Variants in TIPRL observed in about 807,000 individuals in gnomAD.
TIPRL encodes the protein TIP41-like protein.
TIPRL carries 10 observed loss-of-function variants against 32.3 expected under a neutral mutation model. That is an observed-to-expected ratio of 0.31 (90% CI 0.19 to 0.52). The LOEUF is 0.52. Among genes scored for constraint, TIPRL ranks in the 20% least tolerant of loss-of-function variants. TIPRL has a pLI of 0.96. For synonymous variants in TIPRL, 100 were observed against 114.0 expected (o/e 0.88, Z 0.78); for missense variants, 250 against 328.1 (o/e 0.76, Z 1.84).
At chr1:168,192,536 T>A (rs1268135263) in intron 4 of TIPRL, 2 of 402,162 alleles carry the variant, frequency 5.0e-6, no homozygotes, top group Non-Finnish European at 6.8e-6. Flanking sequence ...AATACCACCT[T>A]TTCTACAAGG....
At chr1:168,182,218 G>T (rs1167064517) in intron 1 of TIPRL, among the ~76,000 whole-genome samples, 1 of 152,164 alleles carries the variant, frequency 6.6e-6, no homozygotes, top group Non-Finnish European at 1.5e-5. Context: ...TTGGATTAAA[G>T]AAGCTCTTCT....
chr1:168,196,737 A>G, intron 5 of TIPRL, 95 bp downstream of exon 5: 2 of 785,298 alleles, frequency 2.5e-6, no homozygotes, highest in Admixed American at 5.8e-5. Context: ...AACAATCTAT[A>G]TTATATGGCA....
intron 3 of TIPRL, among the ~76,000 whole-genome samples, chr1:168,189,574 G>T (rs972865270): frequency 3.9e-5 from 6 of 152,150 alleles, no homozygotes; most frequent in Non-Finnish European, 7.4e-5. Context: ...TCAAACTCCT[G>T]ACCTCAAGTG....
intron 6 of TIPRL, 99 bp downstream of exon 6, chr1:168,199,080 C>G (rs1700184599): frequency 1.2e-6 from 1 of 852,248 alleles, no homozygotes; most frequent in South Asian, 1.6e-5. Flanking sequence ...GTTTACATCC[C>G]TAAACCCATT....
chr1:168,197,950 A>T (rs893884758), intron 5 of TIPRL, among the ~76,000 whole-genome samples: 1 of 152,218 alleles, frequency 6.6e-6, no homozygotes, highest in Admixed American at 6.5e-5. Context: ...TTATACGTAC[A>T]TGAATATTCA....
chr1:168,193,422 ACTT>A (rs1469214916), intron 4 of TIPRL, among the ~76,000 whole-genome samples: 3 of 152,192 alleles, frequency 2.0e-5, no homozygotes, highest in Non-Finnish European at 4.4e-5. Flanking sequence ...CATAGGCTTT[ACTT>A]CTTTGCTCAC....
intron 5 of TIPRL, among the ~76,000 whole-genome samples, chr1:168,197,980 A>G (rs895359625): frequency 6.6e-6 from 1 of 152,188 alleles, no homozygotes; most frequent in Non-Finnish European, 1.5e-5. Flanking sequence ...TGTTTATAAT[A>G]GCAGAAAGGA....
At chr1:168,188,983 G>GAAAA (rs11445431) in intron 3 of TIPRL, among the ~76,000 whole-genome samples, 1 of 145,226 alleles carries the variant, frequency 6.9e-6, no homozygotes, top group Non-Finnish European at 1.5e-5. Context: ...TCTGTCTCAA[G>GAAAA]AAAAAAAAAA....
intron 3 of TIPRL, among the ~76,000 whole-genome samples, chr1:168,187,356 G>A (rs1449767722): frequency 2.0e-5 from 3 of 152,242 alleles, no homozygotes; most frequent in Admixed American, 6.5e-5. Flanking sequence ...TGGAGGTTAT[G>A]AAGCAGCATT....
In TIPRL at chr1:168,200,107, G is replaced by T; in HGVS notation, c.*61G>T. 2 of 1,529,644 alleles carry T rather than the reference G, an allele frequency of 1.3e-6. No homozygotes were observed. Among genetic ancestry groups the T allele is most frequent in the South Asian group, 1.2e-5 (1 of 80,878 alleles). The allele number at this position is 1,529,644 out of a possible 1,614,324, so 94.8% of individuals were successfully genotyped here. A position where few individuals can be genotyped will look rare whatever the true frequency, so the allele number is the denominator to read the frequency against. ...CTGGACACCTTGGCTATTTGTAAGG[G>T]GTTATTTTTATTATGAGAATTAATT... On this transcript the variant is annotated 3_prime_UTR_variant, in exon 7 of 7. Transcript: ENST00000367833.
intron 3 of TIPRL, 110 bp downstream of exon 3, chr1:168,184,988 T>G: frequency 1.5e-6 from 1 of 663,854 alleles, no homozygotes; most frequent in South Asian, 2.1e-5. Flanking sequence ...CGTCCTTGTT[T>G]TCTGTTGTGG....
At chr1:168,186,094 A>T (rs1012926545) in intron 3 of TIPRL, among the ~76,000 whole-genome samples, 3 of 150,628 alleles carry the variant, frequency 2.0e-5, no homozygotes. Context: ...AAAAAAAAAA[A>T]AAAAAAAAAG....
chr1:168,191,277 T>C (rs1054358116), intron 3 of TIPRL, 92 bp from the exon 4 acceptor site: 3 of 1,215,624 alleles, frequency 2.5e-6, no homozygotes, highest in South Asian at 1.6e-5. Context: ...AAAAGACTGA[T>C]TGAAAAAGAA....
intron 4 of TIPRL, among the ~76,000 whole-genome samples, chr1:168,192,549 C>G (rs1278635804): frequency 6.6e-6 from 1 of 152,148 alleles, no homozygotes; most frequent in Non-Finnish European, 1.5e-5. Flanking sequence ...CTACAAGGCC[C>G]TTCACAACTC....
intron 3 of TIPRL, among the ~76,000 whole-genome samples, chr1:168,187,834 TG>T (rs564958158): frequency 1.6e-3 from 244 of 152,212 alleles, no homozygotes; most frequent in Non-Finnish European, 2.3e-3. Flanking sequence ...TTGGCGGGTC[TG>T]GTGGCACGTG....
At position 168,191,446 on chromosome 1, in the gene TIPRL, C is replaced by A. The variant is rs768017262; in HGVS notation, c.462C>A (p.Leu154=). Residue 154 remains leucine (L), a synonymous_variant, in exon 4 of 7, where the codon CTC becomes CTA. Coordinates refer to ENST00000367833, the MANE Select transcript of TIPRL (RefSeq NM_152902.5). The stretch of plus-strand genomic sequence containing the variant: ...AGATTAAGTTTTTTGAAGAAGTTCT[C>A]CTTTTTGAGGATGAACTTCATGATC... ...REQIKFFEEV[L]LFEDELHDHG... is the part of the protein sequence containing the mutation. The A allele has an allele frequency of 2.0e-6, 3 of 1,531,914 alleles. No individual in the cohort carries two copies. The African/African-American group carries it at 4.3e-5, about 22-fold the overall frequency. The allele number at this position is 1,531,914 out of a possible 1,614,324, so 94.9% of individuals were successfully genotyped here. A position where few individuals can be genotyped will look rare whatever the true frequency, so the allele number is the denominator to read the frequency against.
At position 168,184,361 on chromosome 1, in the gene TIPRL, G is replaced by A. The variant is rs552928945; in HGVS notation, c.284+280G>A. 9.2e-5 allele frequency among the ~76,000 whole-genome samples: 14 copies of A among 152,226 alleles called. No individual in the cohort carries two copies. In the East Asian group the frequency reaches 2.7e-3, roughly 29 times the overall value. ...GTGTTCCTTACTGAAGAGGCAGTAG[G>A]CTATACTTAATGTTCCTGTTTTTAA... On this transcript the variant is annotated intron_variant, in intron 2 of 6. Coordinates refer to ENST00000367833, the MANE Select transcript of TIPRL (RefSeq NM_152902.5).
intron 1 of TIPRL, among the ~76,000 whole-genome samples, chr1:168,180,465 C>T (rs1699946034): frequency 6.6e-6 from 1 of 152,094 alleles, no homozygotes; most frequent in African/African-American, 2.4e-5. Context: ...AAAAAGATAA[C>T]GTCTGTGGGT....
In TIPRL at chr1:168,196,645, A is replaced by G; in HGVS notation, c.612+3A>G. On this transcript the variant is annotated splice_donor_region_variant and intron_variant, in intron 5 of 6. Coordinates refer to ENST00000367833, the MANE Select transcript of TIPRL (RefSeq NM_152902.5). ...ATGACACGAGACTTTACCATGAGGT[A>G]TTTATTGTTGTTTAATGAATATACT... is the stretch of plus-strand genomic sequence containing the variant. 2 of 1,581,034 alleles carry G rather than the reference A, an allele frequency of 1.3e-6. No homozygotes were observed. The highest frequency in any genetic ancestry group is 1.7e-6 in the Non-Finnish European group (2 of 1,163,762).
Sources: allele counts gnomAD v4.1 joint callset (sites outside exome capture counted in the v4.1 genomes callset), GRCh38; gene constraint gnomAD v4.1.1; transcripts MANE v1.5; gene names NCBI Gene and HGNC (gene_info 2026-07-23, HGNC 2026-07-21).